The following CDH26 variants were observed in gnomAD, a reference collection of about 807,000 sequenced individuals.
CDH26 encodes the protein cadherin 26.
In CDH26, 83 loss-of-function variants were observed where a neutral mutation model predicts 90.3. The observed-to-expected ratio is 0.92, with a 90% confidence interval of 0.77 to 1.10. The LOEUF is 1.10. CDH26 is among the 50% of genes least tolerant of loss of function. The pLI, the probability that CDH26 is intolerant of heterozygous loss-of-function variation, is 0.00. For synonymous variants in CDH26, 397 were observed against 396.3 expected (o/e 1.00, Z -0.02); for missense variants, 1,013 against 1,037.6 (o/e 0.98, Z 0.33).
chr20:60,007,854 G>A (rs1034657782), intron 17 of CDH26, among the ~76,000 whole-genome samples: 5 of 152,158 alleles, frequency 3.3e-5, no homozygotes, highest in African/African-American at 4.8e-5. Context: ...CTGCAAAATT[G>A]TGAAAGATGT....
At chr20:60,033,389 G>T in intron 8 of CDH26, 1 of 1,239,524 alleles carries the variant, frequency 8.1e-7, no homozygotes, top group Non-Finnish European at 1.0e-6. Flanking sequence ...CATGCACGTG[G>T]CAAATACTTA....
chr20:59,999,582 A>G lies in CDH26; in HGVS notation c.2020-4A>G, dbSNP rs767665042. Reference sequence around the variant, plus strand: ...TGTCATATTTCTTTCTCTGTGTTCTACAGACATGGTCAGATGTTGAAGGCC... The same window carrying G: ...TGTCATATTTCTTTCTCTGTGTTCTGCAGACATGGTCAGATGTTGAAGGCC... On this transcript the variant is annotated splice_region_variant and splice_polypyrimidine_tract_variant and intron_variant, in intron 13 of 17. Transcript: ENST00000348616. 2.5e-6 allele frequency: 4 copies of G among 1,613,000 alleles called. No individual in the cohort carries two copies. The highest frequency in any genetic ancestry group is 3.4e-6 in the Non-Finnish European group (4 of 1,179,278).
Position 60,012,821 on chromosome 20 carries a change from T to C in CDH26, c.*91T>C. On this transcript the variant is annotated 3_prime_UTR_variant, in exon 18 of 18. Coordinates refer to ENST00000348616, the MANE Select transcript of CDH26 (RefSeq NM_177980.4). The stretch of plus-strand genomic sequence containing the variant: ...CCCCTTTGCTCTTCTTTTCCCTCCT[T>C]AAAAGAAAAATTACCTTCTAGTCCT... The C allele has an allele frequency of 8.0e-7, 1 of 1,243,198 alleles. No individual in the cohort carries two copies. Among genetic ancestry groups the C allele is most frequent in the Middle Eastern group, 2.5e-4 (1 of 3,984 alleles). 77.0% of individuals were successfully genotyped at this position (1,243,198 alleles called of 1,614,324 possible). A position where few individuals can be genotyped will look rare whatever the true frequency, so the allele number is the denominator to read the frequency against.
At chr20:59,996,400 C>CA in intron 12 of CDH26, 1 of 1,500,456 alleles carries the variant, frequency 6.7e-7, no homozygotes, top group Non-Finnish European at 8.9e-7. Flanking sequence ...TTCCAAGAAA[C>CA]AATACAATAT....
At position 59,992,784 on chromosome 20, in the gene CDH26, C is replaced by T. The variant is rs1054210026; in HGVS notation, c.1426+264C>T. Among the ~76,000 whole-genome samples the T allele has an allele frequency of 1.3e-5, 2 of 152,186 alleles. No individual in the cohort carries two copies. Among genetic ancestry groups the T allele is most frequent in the Non-Finnish European group, 2.9e-5 (2 of 68,034 alleles). Reference sequence around the variant, plus strand: ...CTGCAATCAAACCCAGCATCTTTTTCATCTGTTCATGAGCTAACTCTTTAG... The same window carrying T: ...CTGCAATCAAACCCAGCATCTTTTTTATCTGTTCATGAGCTAACTCTTTAG... On this transcript the variant is annotated intron_variant, in intron 10 of 17. Transcript: ENST00000348616. This position sits in a 1 kb window ranked among gnomAD's most constrained non-coding sequence, Gnocchi z 5.0.
chr20:59,982,804 C>T lies in CDH26; in HGVS notation c.394-119C>T, dbSNP rs563965563. The stretch of plus-strand genomic sequence containing the variant: ...TGAGGGCAGTCTGATTCCTGCCCTC[C>T]GGAACTCTCAGTCTAGAGGAGGAGA... On this transcript the variant is annotated intron_variant, in intron 4 of 17. Coordinates refer to ENST00000348616, the MANE Select transcript of CDH26 (RefSeq NM_177980.4). The T allele has an allele frequency of 2.3e-4, 277 of 1,194,598 alleles. 1 individual carries two copies. The highest frequency in any genetic ancestry group is 1.2e-3 in the South Asian group (80 of 67,468). 74.0% of individuals were successfully genotyped at this position (1,194,598 alleles called of 1,614,324 possible). A position where few individuals can be genotyped will look rare whatever the true frequency, so the allele number is the denominator to read the frequency against.
chr20:59,982,726 T>G (rs750666598), intron 4 of CDH26, among the ~76,000 whole-genome samples, 197 bp from the exon 5 acceptor site: 1 of 152,216 alleles, frequency 6.6e-6, no homozygotes, highest in Non-Finnish European at 1.5e-5. Flanking sequence ...ACACATTTGC[T>G]GAGCACCTAA....
At chr20:60,005,326 C>A (rs192846926) in intron 16 of CDH26, among the ~76,000 whole-genome samples, 4 of 152,182 alleles carry the variant, frequency 2.6e-5, no homozygotes, top group Non-Finnish European at 4.4e-5. Context: ...AGGGTCAGCA[C>A]CCCTAACCCC....
intron 4 of CDH26, among the ~76,000 whole-genome samples, 190 bp downstream of exon 4, chr20:59,972,313 G>A (rs1229757614): frequency 6.6e-6 from 1 of 152,164 alleles, no homozygotes; most frequent in African/African-American, 2.4e-5. Flanking sequence ...CTTTGGCTTT[G>A]TAATGATTTC....
intron 1 of CDH26, among the ~76,000 whole-genome samples, chr20:59,967,859 TTCTTTCTTTC>T (rs2145970985): frequency 8.6e-6 from 1 of 115,894 alleles, no homozygotes; most frequent in East Asian, 2.2e-4. Context: ...CTTTCTTTCT[TTCTTTCTTTC>T]TTTCTTTCTT....
At chr20:59,965,526 C>T (rs2061137206) in intron 1 of CDH26, among the ~76,000 whole-genome samples, 1 of 152,010 alleles carries the variant, frequency 6.6e-6, no homozygotes, top group Non-Finnish European at 1.5e-5. Flanking sequence ...GGAAAAAGTG[C>T]CACTATCTAT....
chr20:60,001,062 C>G (rs1275518439), intron 14 of CDH26, among the ~76,000 whole-genome samples: 1 of 152,142 alleles, frequency 6.6e-6, no homozygotes. Context: ...CGTGTCTATG[C>G]AGTTTTCAGG....
chr20:60,004,701 G>A (rs1020849159), intron 16 of CDH26, among the ~76,000 whole-genome samples: 14 of 148,928 alleles, frequency 9.4e-5, no homozygotes, highest in Non-Finnish European at 1.3e-4. Flanking sequence ...GGGAGGCGGC[G>A]CTTGCAGTGA....
At chr20:59,999,565 T>C in intron 13 of CDH26, 21 bp from the exon 14 acceptor site, 1 of 1,604,910 alleles carries the variant, frequency 6.2e-7, no homozygotes. Flanking sequence ...CTTGTCATAT[T>C]TCTTTCTCTG....
chr20:59,958,685 G>T lies in CDH26; in HGVS notation c.-42G>T. ...GTGAGACCACCAGCTTGGAGGACTG[G>T]TCATCAGCTGCACGTTCTGGGTCTG... On this transcript the variant is annotated 5_prime_UTR_variant, in exon 1 of 18. Transcript: ENST00000348616. 1 of 1,598,314 alleles carries T rather than the reference G, an allele frequency of 6.3e-7. No individual in the cohort carries two copies. Among genetic ancestry groups the T allele is most frequent in the Non-Finnish European group, 8.6e-7 (1 of 1,165,844 alleles).
At chr20:60,002,074 G>A (rs573771842) in intron 15 of CDH26, among the ~76,000 whole-genome samples, 2 of 152,170 alleles carry the variant, frequency 1.3e-5, no homozygotes, top group African/African-American at 4.8e-5. Flanking sequence ...TAACCAAAAT[G>A]TACTTTTCTG....
rs558179756 is a variant in CDH26 at position 60,021,470 on chromosome 20, G to A, written c.948-9761G>A. On this transcript the variant is annotated intron_variant, in intron 7 of 8. Coordinates refer to the CDH26 transcript ENST00000370991. Reference sequence around the variant, plus strand: ...AAAAAGTGTGCTTGACTCCTTCTCTGGGGAATTCTATTTGGAACCTCTACA... The same window carrying A: ...AAAAAGTGTGCTTGACTCCTTCTCTAGGGAATTCTATTTGGAACCTCTACA... 3.3e-5 allele frequency among the ~76,000 whole-genome samples: 5 copies of A among 152,194 alleles called. No individual in the cohort carries two copies. The East Asian group carries it at 5.8e-4, about 18-fold the overall frequency.
At position 59,970,198 on chromosome 20, in the gene CDH26, A is replaced by G. The variant is rs2061239076; in HGVS notation, c.231+12A>G. The G allele has an allele frequency of 6.2e-7, 1 of 1,611,960 alleles. No individual in the cohort carries two copies. The highest frequency in any genetic ancestry group is 1.3e-5 in the African/African-American group (1 of 74,848). On this transcript the variant is annotated intron_variant, in intron 3 of 17. Transcript: ENST00000348616. ...AACTCATTGGTGAGGTAAGGTGCCT[A>G]CTCTTAAGGAATGACCCCATCATGC...
intron 17 of CDH26, among the ~76,000 whole-genome samples, chr20:60,008,058 C>A (rs1026989406): frequency 6.6e-6 from 1 of 152,126 alleles, no homozygotes; most frequent in Non-Finnish European, 1.5e-5. Flanking sequence ...GCTCTGCATG[C>A]CCCCTGCTTG....
Sources: gnomAD v4.1 joint callset for allele counts (sites outside exome capture counted in the v4.1 genomes callset) on GRCh38, gnomAD v4.1.1 for gene constraint, Gnocchi (gnomAD v3.1) non-coding constraint, MANE v1.5 for transcripts, NCBI Gene and HGNC (gene_info 2026-07-23, HGNC 2026-07-21) for gene names.